Variants in GOLT1A observed in about 807,000 individuals in gnomAD.
GOLT1A encodes the protein golgi transport 1A, also known as vesicle transport protein GOT1A.
Under a neutral mutation model 16.1 loss-of-function variants are expected in GOLT1A, and 10 were observed. That is an observed-to-expected ratio of 0.62 (90% CI 0.38 to 1.05). The LOEUF (loss-of-function observed/expected upper bound fraction) is 1.05. Among genes scored for constraint, GOLT1A ranks in the 50% least tolerant of loss-of-function variants. The probability of loss-of-function intolerance (pLI) is 0.01; values close to 1 mark genes in which losing one functional copy is unlikely to be tolerated. For synonymous variants in GOLT1A, 60 were observed against 67.9 expected, an observed-to-expected ratio of 0.88 and a Z score of 0.57; for missense variants, 137 against 165.7, an observed-to-expected ratio of 0.83 and a Z score of 0.95.
chr1:204,198,299 T>G lies in GOLT1A; in HGVS notation c.*159A>C. On this transcript the variant is annotated 3_prime_UTR_variant, in exon 5 of 5. Transcript: ENST00000308302. ...GCAGCCTCTTGAGTCGACTTGGGGA[T>G]TTGACGTCAGTTGCTCAGCTCCATT... 3.1e-6 allele frequency: 2 copies of G among 652,344 alleles called. No individual in the cohort carries two copies. The highest frequency in any genetic ancestry group is 5.3e-6 in the Non-Finnish European group (2 of 380,930). The allele number at this position is 652,344 out of a possible 1,614,324, so 40.4% of individuals were successfully genotyped here.
At chr1:204,212,362 C>T (rs546411437) in intron 1 of GOLT1A, among the ~76,000 whole-genome samples, 1 of 152,110 alleles carries the variant, frequency 6.6e-6, no homozygotes, top group Admixed American at 6.5e-5. Context: ...TGGCTGGGCG[C>T]GGTGGCTCAC....
intron 3 of GOLT1A, among the ~76,000 whole-genome samples, chr1:204,200,378 C>T (rs1658937830): frequency 7.1e-6 from 1 of 140,524 alleles, no homozygotes; most frequent in Non-Finnish European, 1.5e-5. Flanking sequence ...AGGCTGGAGG[C>T]AGTGGTGTGA....
rs576995602 is a variant in GOLT1A at position 204,211,360 on chromosome 1, A to G, written c.25+2522T>C. ...CACCTCATCTCCTGCCACTGTCCCT[A>G]TTGCCTGCCATGCTCCAACCACACT... On this transcript the variant is annotated intron_variant, in intron 1 of 4. Coordinates refer to ENST00000308302, the MANE Select transcript of GOLT1A (RefSeq NM_198447.2). Among the ~76,000 whole-genome samples, 16 of 151,938 alleles carry G rather than the reference A, an allele frequency of 1.1e-4. No homozygotes were observed. The South Asian group carries it at 2.1e-3, about 20-fold the overall frequency.
In GOLT1A at chr1:204,198,489, C is replaced by T. The variant is rs149291000; in HGVS notation, c.368G>A (p.Arg123Gln). 9.9e-5 allele frequency: 159 copies of T among 1,613,214 alleles called. No individual in the cohort carries two copies. Among genetic ancestry groups the T allele is most frequent in the Admixed American group, 3.8e-4 (23 of 59,802 alleles). Reference protein sequence around the residue: ...CNIPFLGALFRRLQGTSSMV With the variant: ...CNIPFLGALFQRLQGTSSMV ...CATCGAGCTAGTGCCTTGAAGTCTCCGGAACAGCTGTGGGAGCCAAGAATC... is the reference window on the plus strand; with the variant it reads ...CATCGAGCTAGTGCCTTGAAGTCTCTGGAACAGCTGTGGGAGCCAAGAATC... Residue 123 changes from arginine to glutamine, a missense_variant, in exon 5 of 5, where the codon CGG becomes CAG. Transcript: ENST00000308302.
intron 1 of GOLT1A, among the ~76,000 whole-genome samples, chr1:204,206,650 A>G (rs1384335934): frequency 6.6e-6 from 1 of 152,268 alleles, no homozygotes; most frequent in Admixed American, 6.5e-5. Context: ...AGCTCTGACT[A>G]TACACCCTTT....
At chr1:204,208,976 G>A (rs554002363) in intron 1 of GOLT1A, among the ~76,000 whole-genome samples, 2 of 152,256 alleles carry the variant, frequency 1.3e-5, no homozygotes, top group South Asian at 4.2e-4. Context: ...AGTTACTCCA[G>A]TAGCATCATT....
intron 1 of GOLT1A, among the ~76,000 whole-genome samples, chr1:204,208,417 TACATATGTGTATATGTATAC>T (rs1229631980): frequency 1.0e-5 from 1 of 100,222 alleles, no homozygotes; most frequent in Non-Finnish European, 2.4e-5. Flanking sequence ...TATATATGTA[TACATATGTGTATATGTATAC>T]ATATGTGTGT....
In GOLT1A at chr1:204,198,239, C is replaced by T. The variant is rs1658892537; in HGVS notation, c.*219G>A. 5 of 555,590 alleles carry T rather than the reference C, an allele frequency of 9.0e-6. No homozygotes were observed. In the Middle Eastern group the frequency reaches 1.4e-3, roughly 158 times the overall value. 34.4% of individuals were successfully genotyped at this position (555,590 alleles called of 1,614,324 possible). ...AGTGAGGGTGTGATACCAGCCCCAG[C>T]CCAGTCTCCTTGGGGTCTGCATCTC... On this transcript the variant is annotated 3_prime_UTR_variant, in exon 5 of 5. Coordinates refer to ENST00000308302, the MANE Select transcript of GOLT1A (RefSeq NM_198447.2).
chr1:204,201,209 C>T (rs865882685), intron 3 of GOLT1A, among the ~76,000 whole-genome samples: 3 of 152,124 alleles, frequency 2.0e-5, no homozygotes, highest in Non-Finnish European at 4.4e-5. Context: ...GACTTTGGGC[C>T]GGGGGCAACT....
At chr1:204,204,927 T>C (rs780793743) in intron 1 of GOLT1A, among the ~76,000 whole-genome samples, 1 of 152,264 alleles carries the variant, frequency 6.6e-6, no homozygotes, top group Non-Finnish European at 1.5e-5. Context: ...TAATGATTAA[T>C]GATCTTTTCA....
At chr1:204,206,653 C>T (rs1032240210) in intron 1 of GOLT1A, among the ~76,000 whole-genome samples, 7 of 152,270 alleles carry the variant, frequency 4.6e-5, no homozygotes, top group Non-Finnish European at 1.0e-4. Context: ...TCTGACTATA[C>T]ACCCTTTCCT....
intron 1 of GOLT1A, among the ~76,000 whole-genome samples, chr1:204,212,098 C>G (rs968853109): frequency 6.6e-6 from 1 of 152,168 alleles, no homozygotes; most frequent in Non-Finnish European, 1.5e-5. Flanking sequence ...GACATCTCAC[C>G]CGGATGTCTA....
Position 204,211,110 on chromosome 1 carries a change from C to T in GOLT1A, c.25+2772G>A, listed in dbSNP as rs78425530. ...ATTCCCGGCCACGATCATCTCTTTC[C>T]TGGACGTATGCAGCAGCCCCCATTT... On this transcript the variant is annotated intron_variant, in intron 1 of 4. Coordinates refer to ENST00000308302, the MANE Select transcript of GOLT1A (RefSeq NM_198447.2). 2.7e-3 allele frequency among the ~76,000 whole-genome samples: 410 copies of T among 152,314 alleles called. 4 individuals carry two copies. Among genetic ancestry groups the T allele is most frequent in the East Asian group, 0.019 (97 of 5,180 alleles).
chr1:204,199,897 G>A (rs1162462512), intron 3 of GOLT1A, among the ~76,000 whole-genome samples: 3 of 152,166 alleles, frequency 2.0e-5, no homozygotes, highest in African/African-American at 7.2e-5. Context: ...AAGGGATCCC[G>A]GTGTGTGGCG....
intron 1 of GOLT1A, among the ~76,000 whole-genome samples, chr1:204,211,895 A>G (rs938984003): frequency 6.6e-6 from 1 of 152,160 alleles, no homozygotes; most frequent in African/African-American, 2.4e-5. Context: ...TGTACAGGAC[A>G]GGCCCCCACA....
At chr1:204,208,476 G>GTGTATATA (rs1286299770) in intron 1 of GOLT1A, among the ~76,000 whole-genome samples, 532 of 39,802 alleles carry the variant, frequency 0.013, 12 homozygotes, top group African/African-American at 0.028. Flanking sequence ...GTGTGTGTGT[G>GTGTATATA]TATATATATA....
chr1:204,207,546 A>T (rs1440753929), intron 1 of GOLT1A, among the ~76,000 whole-genome samples: 2 of 152,204 alleles, frequency 1.3e-5, no homozygotes, highest in Non-Finnish European at 2.9e-5. Flanking sequence ...TTTGTGGCTC[A>T]CTTTAAGAAA....
intron 3 of GOLT1A, 127 bp from the exon 4 acceptor site, chr1:204,199,385 G>T: frequency 1.4e-6 from 1 of 725,034 alleles, no homozygotes; most frequent in South Asian, 1.6e-5. Context: ...GCTTGATTCT[G>T]CACTCCTGTG....
chr1:204,198,926 T>C, intron 4 of GOLT1A: 1 of 523,396 alleles, frequency 1.9e-6, no homozygotes, highest in South Asian at 2.6e-5. Flanking sequence ...TTTCTTTGGC[T>C]GTAAACAGGA....
Sources: gnomAD v4.1 joint callset for allele counts (sites outside exome capture counted in the v4.1 genomes callset) on GRCh38, gnomAD v4.1.1 for gene constraint, MANE v1.5 for transcripts, NCBI Gene and HGNC (gene_info 2026-07-23, HGNC 2026-07-21) for gene names.